The following PCDH9 variants were observed in gnomAD, a reference collection of about 807,000 sequenced individuals.
PCDH9 encodes protocadherin 9, also known as protocadherin-9.
Under a neutral mutation model 70.6 loss-of-function variants are expected in PCDH9, and 24 were observed. That is an observed-to-expected ratio of 0.34 (90% CI 0.25 to 0.48). PCDH9 has a LOEUF of 0.48. Among genes scored for constraint, PCDH9 ranks in the 20% least tolerant of loss-of-function variants. PCDH9 has a pLI of 0.99. For missense variants in PCDH9, 1,281 were observed against 1,503.6 expected (o/e 0.85, Z 2.45); for synonymous variants, 562 against 558.5 (o/e 1.01, Z -0.09).
At chr13:66,354,811 AT>A (rs2138179830) in intron 4 of PCDH9, among the ~76,000 whole-genome samples, 1 of 152,254 alleles carries the variant, frequency 6.6e-6, no homozygotes, top group East Asian at 1.9e-4. Flanking sequence ...TAGAATTGTC[AT>A]ATAAACTTGC....
intron 4 of PCDH9, among the ~76,000 whole-genome samples, chr13:66,321,081 C>A (rs1052428487): frequency 3.3e-5 from 5 of 151,946 alleles, no homozygotes; most frequent in East Asian, 1.9e-4. Context: ...ATATACCAGG[C>A]CTTGCTACAC....
intron 2 of PCDH9, among the ~76,000 whole-genome samples, chr13:67,179,869 G>C (rs1198160574): frequency 6.6e-6 from 1 of 152,042 alleles, no homozygotes; most frequent in Non-Finnish European, 1.5e-5. Context: ...TTAAGGGTAA[G>C]GGAAAAGAGA....
At chr13:66,658,828 C>T (rs1054271166) in intron 3 of PCDH9, among the ~76,000 whole-genome samples, 3 of 152,168 alleles carry the variant, frequency 2.0e-5, no homozygotes, top group South Asian at 2.1e-4. Flanking sequence ...AAGATCAGAA[C>T]GAACATTTTT....
intron 4 of PCDH9, among the ~76,000 whole-genome samples, chr13:66,306,507 A>G (rs550334190): frequency 1.3e-5 from 2 of 151,680 alleles, no homozygotes; most frequent in Non-Finnish European, 2.9e-5. Flanking sequence ...CACGTAACCA[A>G]AAACCACTTG....
chr13:66,896,326 G>A (rs1366095072), intron 3 of PCDH9, among the ~76,000 whole-genome samples: 3 of 151,790 alleles, frequency 2.0e-5, no homozygotes, highest in South Asian at 2.1e-4. Context: ...AAGTACATTT[G>A]TTTAGCCTCG....
intron 4 of PCDH9, among the ~76,000 whole-genome samples, chr13:66,428,717 T>A (rs1957716333): frequency 6.6e-6 from 1 of 151,732 alleles, no homozygotes; most frequent in African/African-American, 2.4e-5. Context: ...TTAGGGTAAA[T>A]GGATTTGGAT....
chr13:67,103,572 A>G (rs2086475425), intron 2 of PCDH9, among the ~76,000 whole-genome samples: 1 of 152,216 alleles, frequency 6.6e-6, no homozygotes, highest in Non-Finnish European at 1.5e-5. Flanking sequence ...GATGTTCTTC[A>G]AATGGCAGTA....
intron 4 of PCDH9, among the ~76,000 whole-genome samples, chr13:66,451,616 A>C (rs1958211993): frequency 6.6e-6 from 1 of 152,220 alleles, no homozygotes; most frequent in African/African-American, 2.4e-5. Context: ...TAGCACATCC[A>C]AAAATTGTTT....
At chr13:66,702,521 C>T (rs2078659990) in intron 3 of PCDH9, among the ~76,000 whole-genome samples, 1 of 152,104 alleles carries the variant, frequency 6.6e-6, no homozygotes, top group Non-Finnish European at 1.5e-5. Context: ...ATTAATAATA[C>T]TGTATTTTGC....
In PCDH9 at chr13:67,092,687, G is replaced by A. The variant is rs75211095; in HGVS notation, c.3036+132718C>T. Among the ~76,000 whole-genome samples, 1,024 of 152,200 alleles carry A rather than the reference G, an allele frequency of 6.7e-3. 9 individuals carry two copies. The highest frequency in any genetic ancestry group is 0.011 in the Admixed American group (163 of 15,274). ...GTTGTCATCTCAAAGGTACTAAACC[G>A]CATGATTTCTCCCCTATGTTATTTC... On this transcript the variant is annotated intron_variant, in intron 2 of 4. Coordinates refer to ENST00000377865, the MANE Select transcript of PCDH9 (RefSeq NM_203487.3).
rs2089954640 is a variant in PCDH9 at position 67,229,230 on chromosome 13, A to C, written c.-136+550T>G. On this transcript the variant is annotated intron_variant, in intron 1 of 4. Transcript: ENST00000377865. ...GCCCACAGCTTGCTCTCCTTTCTCC[A>C]TATTGACAAATTATCCTCATTAGGA... Among the ~76,000 whole-genome samples, 3 of 152,230 alleles carry C rather than the reference A, an allele frequency of 2.0e-5. No homozygotes were observed. In the South Asian group the frequency reaches 6.2e-4, roughly 31 times the overall value.
At chr13:66,977,945 G>A (rs2083654977) in intron 2 of PCDH9, among the ~76,000 whole-genome samples, 1 of 152,124 alleles carries the variant, frequency 6.6e-6, no homozygotes. Context: ...ACATAATGCA[G>A]ACAGATGTTA....
chr13:66,519,684 T>G (rs1959901458), intron 4 of PCDH9, among the ~76,000 whole-genome samples: 1 of 152,096 alleles, frequency 6.6e-6, no homozygotes, highest in Admixed American at 6.6e-5. Context: ...CTGCAAGAGG[T>G]TATGATCCTG....
intron 4 of PCDH9, among the ~76,000 whole-genome samples, chr13:66,377,684 A>T (rs1956774306): frequency 6.6e-6 from 1 of 152,180 alleles, no homozygotes; most frequent in Non-Finnish European, 1.5e-5. Flanking sequence ...AAGCAGGGAG[A>T]GTGAGCACTT....
chr13:67,172,669 G>A (rs948621705), intron 2 of PCDH9, among the ~76,000 whole-genome samples: 2 of 151,898 alleles, frequency 1.3e-5, no homozygotes, highest in Non-Finnish European at 2.9e-5. Context: ...CCTGAGGTCC[G>A]GAGTTCGACA....
chr13:67,130,050 C>T (rs962527807), intron 2 of PCDH9, among the ~76,000 whole-genome samples: 16 of 152,078 alleles, frequency 1.1e-4, no homozygotes, highest in Non-Finnish European at 2.4e-4. Flanking sequence ...TTTAATTAAT[C>T]TTATCCATTT....
intron 4 of PCDH9, among the ~76,000 whole-genome samples, chr13:66,329,941 A>C (rs1339832490): frequency 6.6e-6 from 1 of 152,224 alleles, no homozygotes. Flanking sequence ...ATAACTTTGC[A>C]ATAGCTACAA....
chr13:66,576,728 C>T (rs2076820774), intron 4 of PCDH9, among the ~76,000 whole-genome samples: 1 of 151,960 alleles, frequency 6.6e-6, no homozygotes, highest in South Asian at 2.1e-4. Flanking sequence ...AATCTCACTC[C>T]TTTTCAATTT....
chr13:67,060,303 A>G (rs1235480809), intron 2 of PCDH9, among the ~76,000 whole-genome samples: 1 of 151,912 alleles, frequency 6.6e-6, no homozygotes, highest in African/African-American at 2.4e-5. Flanking sequence ...CTCCCATTTT[A>G]TCCAGGAGGA....
Sources: gnomAD v4.1 joint callset for allele counts (sites outside exome capture counted in the v4.1 genomes callset) on GRCh38, gnomAD v4.1.1 for gene constraint, MANE v1.5 for transcripts, NCBI Gene and HGNC (gene_info 2026-07-23, HGNC 2026-07-21) for gene names.